The following PSPC1 variants were observed in gnomAD, a reference collection of about 807,000 sequenced individuals.
The protein encoded by PSPC1 is paraspeckle protein 1.
In PSPC1, 14 loss-of-function variants were observed where a neutral mutation model predicts 51.6. That is an observed-to-expected ratio of 0.27 (90% CI 0.18 to 0.42). The LOEUF (loss-of-function observed/expected upper bound fraction) is 0.42. Ranked by LOEUF, PSPC1 falls within the 10% of genes least tolerant of loss-of-function variation. PSPC1 has a pLI of 1.00. For synonymous variants in PSPC1, 193 were observed against 231.9 expected, an observed-to-expected ratio of 0.83 and a Z score of 1.53; for missense variants, 406 against 701.1, an observed-to-expected ratio of 0.58 and a Z score of 4.75.
rs371369118 is a variant in PSPC1 at position 19,739,870 on chromosome 13, A to C, written c.1052+1695T>G. On this transcript the variant is annotated intron_variant, in intron 5 of 8. Transcript: ENST00000338910. ...TGATGTTGAGAGTTGTTTAAAAAAA[A>C]AAAAAAAAAAACAGTAGTTCTCAAG... Among the ~76,000 whole-genome samples the C allele has an allele frequency of 1.5e-4, 23 of 152,032 alleles. No individual in the cohort carries two copies. The East Asian group carries it at 4.4e-3, about 29-fold the overall frequency.
At chr13:19,704,447 G>A (rs576958462) in intron 8 of PSPC1, among the ~76,000 whole-genome samples, 14 of 152,268 alleles carry the variant, frequency 9.2e-5, no homozygotes, top group African/African-American at 1.4e-4. Context: ...TGCTTTTAAC[G>A]TCTCTGATCA....
intron 5 of PSPC1, among the ~76,000 whole-genome samples, chr13:19,731,408 TTTG>T (rs10608480): frequency 0.66 from 99,917 of 151,034 alleles, 35,829 homozygotes; most frequent in East Asian, 0.89. Context: ...AAAATCTGGA[TTTG>T]TTGTTGTTGT....
chr13:19,724,629 C>T (rs1371176483), intron 6 of PSPC1, among the ~76,000 whole-genome samples: 2 of 152,118 alleles, frequency 1.3e-5, no homozygotes, highest in Admixed American at 6.5e-5. Flanking sequence ...CCAAGGTGGG[C>T]GGGTCACGAG....
chr13:19,672,931 C>T (rs1251840133), downstream of PSPC1: 2 of 373,632 alleles, frequency 5.4e-6, no homozygotes, highest in African/African-American at 4.3e-5. Flanking sequence ...TGGAACAAGC[C>T]TGTAGTCCCA....
At chr13:19,673,079 AC>A (rs1876232456), downstream of PSPC1, 1 of 422,878 alleles carries the variant, frequency 2.4e-6, no homozygotes, top group Non-Finnish European at 4.6e-6. Context: ...GTTTCTTGGA[AC>A]CTATACGGTT....
downstream of PSPC1, among the ~76,000 whole-genome samples, chr13:19,698,376 A>T (rs7989657): frequency 0.93 from 141,247 of 151,920 alleles, 66,567 homozygotes; most frequent in East Asian, 1. Context: ...AAAACACTTA[A>T]ACAAAGCATT....
At chr13:19,730,744 G>A (rs535584547) in intron 5 of PSPC1, among the ~76,000 whole-genome samples, 6 of 152,006 alleles carry the variant, frequency 3.9e-5, no homozygotes, top group African/African-American at 1.2e-4. Flanking sequence ...CATCACCTGA[G>A]GTCGGGAATT....
chr13:19,730,424 T>C (rs540331513), intron 5 of PSPC1, 80 bp from the exon 6 acceptor site: 1 of 1,278,520 alleles, frequency 7.8e-7, no homozygotes, highest in East Asian at 2.3e-5. Flanking sequence ...TAAAATGAAA[T>C]CATTTATGCA....
chr13:19,671,632 T>C (rs1876132997), downstream of PSPC1, among the ~76,000 whole-genome samples: 1 of 152,206 alleles, frequency 6.6e-6, no homozygotes, highest in Non-Finnish European at 1.5e-5. Context: ...ATAGTCTCTC[T>C]AATAAAACAG....
chr13:19,730,122 G>T, intron 6 of PSPC1, 117 bp downstream of exon 6: 2 of 749,120 alleles, frequency 2.7e-6, no homozygotes, highest in Non-Finnish European at 2.2e-6. Context: ...TATCAAACAT[G>T]ATGAATTTAG....
chr13:19,727,721 C>T (rs1883525579), intron 6 of PSPC1, among the ~76,000 whole-genome samples: 2 of 152,132 alleles, frequency 1.3e-5, no homozygotes, highest in Non-Finnish European at 2.9e-5. Context: ...AATATGAAAA[C>T]AATCACAAGA....
At chr13:19,745,357 A>T (rs780110536) in intron 4 of PSPC1, among the ~76,000 whole-genome samples, 10 of 152,192 alleles carry the variant, frequency 6.6e-5, no homozygotes, top group Non-Finnish European at 1.3e-4. Flanking sequence ...AACAAATTTA[A>T]TGATAAAATT....
chr13:19,770,169 A>G lies in PSPC1; in HGVS notation c.674+2073T>C, dbSNP rs115687042. ...ATATGCTGAGCAAGAGAAGCCAGAC[A>G]CAGAAGAATACATACTATATGATTT... On this transcript the variant is annotated intron_variant, in intron 2 of 8. Transcript: ENST00000338910. 3.9e-5 allele frequency among the ~76,000 whole-genome samples: 6 copies of G among 152,286 alleles called. No homozygotes were observed. The South Asian group carries it at 1.2e-3, about 32-fold the overall frequency.
At chr13:19,717,084 T>C (rs1882190523) in intron 6 of PSPC1, among the ~76,000 whole-genome samples, 1 of 151,568 alleles carries the variant, frequency 6.6e-6, no homozygotes, top group African/African-American at 2.4e-5. Flanking sequence ...AGAAAATCGT[T>C]AGGAGCCAGA....
At chr13:19,671,341 A>T (rs900212936), downstream of PSPC1, 1 of 1,519,548 alleles carries the variant, frequency 6.6e-7, no homozygotes, top group Non-Finnish European at 9.1e-7. Context: ...GTTGCTCCAG[A>T]TTACTTTATC....
intron 2 of PSPC1, among the ~76,000 whole-genome samples, chr13:19,763,964 C>T (rs991981507): frequency 2.6e-5 from 4 of 152,210 alleles, no homozygotes; most frequent in Middle Eastern, 3.4e-3. Context: ...GATCACACCA[C>T]TGCACTCCAG....
intron 7 of PSPC1, chr13:19,677,661 A>G (rs1210430228): frequency 2.4e-6 from 1 of 410,604 alleles, no homozygotes; most frequent in Non-Finnish European, 4.8e-6. Context: ...TTGACTAGAA[A>G]AAACTAGGAA....
chr13:19,776,759 G>A (rs1188332469), intron 1 of PSPC1, among the ~76,000 whole-genome samples: 5 of 151,438 alleles, frequency 3.3e-5, no homozygotes, highest in Admixed American at 6.6e-5. Flanking sequence ...CGCCTGCCTC[G>A]GCCTCCCAAA....
chr13:19,672,111 T>C, downstream of PSPC1: 1 of 486,726 alleles, frequency 2.1e-6, no homozygotes. Flanking sequence ...ATGTGGATAG[T>C]ACATATGAGG....
Sources: allele counts gnomAD v4.1 joint callset (sites outside exome capture counted in the v4.1 genomes callset), GRCh38; gene constraint gnomAD v4.1.1; transcripts MANE v1.5; gene names NCBI Gene and HGNC (gene_info 2026-07-23, HGNC 2026-07-21).